The following STAB2 variants were observed in gnomAD, a reference collection of about 807,000 sequenced individuals.
STAB2 encodes the protein stabilin-2.
Under a neutral mutation model 338.1 loss-of-function variants are expected in STAB2, and 288 were observed. The ratio of observed to expected loss-of-function variants is 0.85; its 90% CI spans 0.77 to 0.94. The LOEUF is 0.94. STAB2 is among the 40% of genes least tolerant of loss of function. STAB2 has a pLI of 0.00. For missense variants in STAB2, 3,141 were observed against 3,210.1 expected (o/e 0.98, Z 0.52); for synonymous variants, 1,202 against 1,193.3 (o/e 1.01, Z -0.15).
At chr12:103,721,900 C>T in intron 44 of STAB2, among the ~76,000 whole-genome samples, 1 of 149,146 alleles carries the variant, frequency 6.7e-6, no homozygotes, top group Middle Eastern at 3.2e-3. Context: ...GAAAAGGAAT[C>T]AAGGACACTA....
intron 6 of STAB2, among the ~76,000 whole-genome samples, chr12:103,632,739 G>A (rs1486772448): frequency 2.0e-5 from 3 of 152,174 alleles, no homozygotes; most frequent in African/African-American, 7.2e-5. Flanking sequence ...CACCCTGGAG[G>A]CAGAAAGAGG....
rs1368867931 is a variant in STAB2, at chr12:103,759,114, GTTTCTCCTTT to G, written c.7108-12_7108-3del. On this transcript the variant is annotated splice_polypyrimidine_tract_variant and intron_variant, in intron 64 of 68. Transcript: ENST00000388887. ...GCTTGGCCTTTGAAGAGCATTCTGT[GTTTCTCCTTT>G]TTTCTCAGACCTTGTCTGGGCGGGA... 6.2e-7 allele frequency: 1 copy of G among 1,614,040 alleles called. No homozygotes were observed. Among genetic ancestry groups the G allele is most frequent in the East Asian group, 2.2e-5 (1 of 44,896 alleles).
At chr12:103,612,882 T>C (rs1180069313) in intron 3 of STAB2, among the ~76,000 whole-genome samples, 1 of 152,256 alleles carries the variant, frequency 6.6e-6, no homozygotes, top group Non-Finnish European at 1.5e-5. Context: ...ATGTCCTTTC[T>C]GTTTGTTAGT....
At chr12:103,587,731 C>T (rs905158210) in intron 1 of STAB2, among the ~76,000 whole-genome samples, 174 bp downstream of exon 1, 1 of 152,222 alleles carries the variant, frequency 6.6e-6, no homozygotes, top group Non-Finnish European at 1.5e-5. Context: ...CGAAGGTGTG[C>T]TAACCCACTT....
At position 103,708,205 on chromosome 12, in the gene STAB2, T is replaced by C. The variant is rs1343287229; in HGVS notation, c.4193-236T>C. On this transcript the variant is annotated intron_variant, in intron 38 of 68. Transcript: ENST00000388887. ...GTCACAGATCTTCAGTGCTACACTG[T>C]CTCAAAACTGCAGTCTGAGCCACTT... Among the ~76,000 whole-genome samples, 3 of 152,158 alleles carry C rather than the reference T, an allele frequency of 2.0e-5. No individual in the cohort carries two copies. In the East Asian group the frequency reaches 5.8e-4, roughly 29 times the overall value.
At chr12:103,740,846 G>A in intron 55 of STAB2, 90 bp downstream of exon 55, 2 of 1,455,654 alleles carry the variant, frequency 1.4e-6, no homozygotes, top group Non-Finnish European at 1.8e-6. Context: ...AAATTATAGG[G>A]GGATGGGGGA....
chr12:103,672,048 T>G (rs1875848114), intron 22 of STAB2, among the ~76,000 whole-genome samples: 1 of 152,220 alleles, frequency 6.6e-6, no homozygotes, highest in Non-Finnish European at 1.5e-5. Flanking sequence ...GCTGACAGGA[T>G]TAAATTAGAC....
intron 25 of STAB2, among the ~76,000 whole-genome samples, chr12:103,681,209 C>T (rs1178444301): frequency 6.6e-6 from 1 of 152,094 alleles, no homozygotes; most frequent in Admixed American, 6.5e-5. Context: ...TGAAAAAGCT[C>T]ACTGCAGTCT....
In STAB2 at chr12:103,587,398, G is replaced by T; in HGVS notation, c.-79G>T. ...ACAGTGAAATGAGAAAGAATTCACT[G>T]GGAGTTTATCAAACTAAGTTAAAAT... On this transcript the variant is annotated 5_prime_UTR_variant, in exon 1 of 69. Coordinates refer to ENST00000388887, the MANE Select transcript of STAB2 (RefSeq NM_017564.10). 9.0e-7 allele frequency: 1 copy of T among 1,109,410 alleles called. No individual in the cohort carries two copies. The allele number at this position is 1,109,410 out of a possible 1,614,324, so 68.7% of individuals were successfully genotyped here. A position where few individuals can be genotyped will look rare whatever the true frequency, so the allele number is the denominator to read the frequency against.
intron 5 of STAB2, among the ~76,000 whole-genome samples, chr12:103,623,458 C>A (rs1957334770): frequency 1.3e-5 from 2 of 151,962 alleles, no homozygotes; most frequent in Non-Finnish European, 1.5e-5. Flanking sequence ...TCACAGGGGT[C>A]CTTAAGGATG....
intron 18 of STAB2, 128 bp from the exon 19 acceptor site, chr12:103,666,163 G>A: frequency 1.2e-6 from 1 of 846,448 alleles, no homozygotes; most frequent in Non-Finnish European, 1.9e-6. Context: ...GGGGTGGGTA[G>A]AGAGGCCAGG....
intron 27 of STAB2, among the ~76,000 whole-genome samples, 189 bp from the exon 28 acceptor site, chr12:103,687,979 A>G (rs1386503157): frequency 6.6e-6 from 1 of 152,256 alleles, no homozygotes; most frequent in Non-Finnish European, 1.5e-5. Flanking sequence ...CGGTTCTGTC[A>G]GCATGGAAAT....
chr12:103,742,316 G>C, intron 55 of STAB2, 89 bp from the exon 56 acceptor site: 12 of 1,536,288 alleles, frequency 7.8e-6, no homozygotes, highest in Non-Finnish European at 5.3e-6. Flanking sequence ...TGGGCTAACA[G>C]AAGTCAGATG....
intron 5 of STAB2, among the ~76,000 whole-genome samples, chr12:103,628,831 C>T (rs1957418603): frequency 1.3e-5 from 2 of 152,174 alleles, no homozygotes; most frequent in South Asian, 4.1e-4. Context: ...AGGACTCCAC[C>T]ATATTATTTT....
At chr12:103,703,068 T>C (rs1314407321) in intron 34 of STAB2, 80 bp from the exon 35 acceptor site, 1 of 1,470,206 alleles carries the variant, frequency 6.8e-7, no homozygotes. Context: ...GCAATTGTCC[T>C]ATTGCTAACC....
At chr12:103,739,128 C>T (rs961355288) in intron 53 of STAB2, among the ~76,000 whole-genome samples, 3 of 146,758 alleles carry the variant, frequency 2.0e-5, no homozygotes, top group African/African-American at 7.6e-5. Context: ...GGTTCATGTG[C>T]CACCATGCCT....
At chr12:103,683,811 A>G (rs1303702265) in intron 26 of STAB2, among the ~76,000 whole-genome samples, 2 of 152,204 alleles carry the variant, frequency 1.3e-5, no homozygotes, top group South Asian at 2.1e-4. Context: ...AAGATCAGGC[A>G]CAGGTATTAG....
chr12:103,699,705 C>CT (rs1398491357), intron 34 of STAB2, among the ~76,000 whole-genome samples: 5 of 152,202 alleles, frequency 3.3e-5, no homozygotes, highest in African/African-American at 1.2e-4. Context: ...CCAGTGCTTC[C>CT]TAAGCCTTAC....
At chr12:103,677,943 A>G (rs1876540608) in intron 25 of STAB2, among the ~76,000 whole-genome samples, 1 of 152,152 alleles carries the variant, frequency 6.6e-6, no homozygotes, top group Admixed American at 6.5e-5. Flanking sequence ...CAGTGTATTG[A>G]TCACTTTCAC....
Sources: gnomAD v4.1 joint callset for allele counts (sites outside exome capture counted in the v4.1 genomes callset) on GRCh38, gnomAD v4.1.1 for gene constraint, MANE v1.5 for transcripts, NCBI Gene and HGNC (gene_info 2026-07-23, HGNC 2026-07-21) for gene names.